Variants in TTC17 observed in about 807,000 individuals in gnomAD.
The protein encoded by TTC17 is tetratricopeptide repeat domain 17.
TTC17 carries 58 observed loss-of-function variants against 143.8 expected under a neutral mutation model. That is an observed-to-expected ratio of 0.40 (90% CI 0.33 to 0.50). The LOEUF (loss-of-function observed/expected upper bound fraction) is 0.50. Ranked by LOEUF, TTC17 falls within the 20% of genes least tolerant of loss-of-function variation. The pLI is 0.49. For synonymous variants in TTC17, 501 were observed against 497.8 expected, an observed-to-expected ratio of 1.01 and a Z score of -0.09; for missense variants, 1,273 against 1,392.5, an observed-to-expected ratio of 0.91 and a Z score of 1.37.
chr11:43,373,203 T>G (rs1856636109), intron 1 of TTC17, among the ~76,000 whole-genome samples: 1 of 152,172 alleles, frequency 6.6e-6, no homozygotes, highest in African/African-American at 2.4e-5. Flanking sequence ...TTTCTTAGTA[T>G]TAAGTAGCTT....
chr11:43,454,985 T>G (rs1470884914), intron 21 of TTC17, among the ~76,000 whole-genome samples: 1 of 151,808 alleles, frequency 6.6e-6, no homozygotes, highest in African/African-American at 2.4e-5. Flanking sequence ...TTTTTGTCAT[T>G]TGAACATAGA....
intron 5 of TTC17, among the ~76,000 whole-genome samples, chr11:43,394,073 A>G (rs1002479741): frequency 3.3e-5 from 5 of 152,210 alleles, no homozygotes; most frequent in Non-Finnish European, 5.9e-5. Flanking sequence ...TTATGACTTC[A>G]TTTAGCCTTT....
intron 16 of TTC17, among the ~76,000 whole-genome samples, chr11:43,416,054 T>C (rs1043905577): frequency 1.3e-5 from 2 of 152,204 alleles, no homozygotes; most frequent in African/African-American, 4.8e-5. Flanking sequence ...TAGTAGATAC[T>C]GGCTAAAAGT....
chr11:43,460,130 C>A (rs568769183), intron 21 of TTC17, among the ~76,000 whole-genome samples: 40 of 151,828 alleles, frequency 2.6e-4, no homozygotes, highest in Non-Finnish European at 1.5e-4. Flanking sequence ...ACTTCAGAAC[C>A]TTTTGCTGAA....
At chr11:43,431,651 G>A (rs1403635249) in intron 16 of TTC17, among the ~76,000 whole-genome samples, 4 of 152,202 alleles carry the variant, frequency 2.6e-5, no homozygotes, top group Admixed American at 6.5e-5. Context: ...CATGTGCTAC[G>A]CAATGGTCTA....
At position 43,443,328 on chromosome 11, in the gene TTC17, C is replaced by T. The variant is rs779271164; in HGVS notation, c.2255C>T (p.Thr752Met). Residue 752 changes from threonine to methionine, a missense_variant, in exon 17 of 24, where the codon ACG (threonine) becomes ATG (methionine). Thr to Met is a moderately conservative substitution (Grantham distance 81). Around this residue, in one of 3 missense-constraint regions of TTC17, gnomAD observed 878 missense variants for 899.8 expected, o/e 0.98. Coordinates refer to ENST00000039989, the MANE Select transcript of TTC17 (RefSeq NM_018259.6). ...CGTGCTGGCCCTTGAATTTCAGGTA[C>T]GGTGGTTGAGGAGAGCAATGGTTCT... Reference protein sequence around the residue: ...YNITSSVCSGTVVEESNGSDE... With the variant: ...YNITSSVCSGMVVEESNGSDE... The T allele has an allele frequency of 2.4e-5, 39 of 1,613,676 alleles. No homozygotes were observed. The East Asian group carries it at 5.3e-4, about 22-fold the overall frequency.
chr11:43,442,425 T>G (rs775005610), intron 16 of TTC17, among the ~76,000 whole-genome samples: 2 of 152,214 alleles, frequency 1.3e-5, no homozygotes, highest in Non-Finnish European at 2.9e-5. Flanking sequence ...GACATTTTGT[T>G]ATTTGTTCTT....
intron 16 of TTC17, among the ~76,000 whole-genome samples, chr11:43,419,610 T>G (rs1008200163): frequency 1.3e-5 from 2 of 152,228 alleles, no homozygotes; most frequent in African/African-American, 4.8e-5. Flanking sequence ...TATCACATCC[T>G]TTTACATTCT....
At chr11:43,453,146 G>C (rs1238983412) in intron 21 of TTC17, among the ~76,000 whole-genome samples, 1 of 147,302 alleles carries the variant, frequency 6.8e-6, no homozygotes, top group Non-Finnish European at 1.5e-5. Flanking sequence ...CACAGAAAGG[G>C]ACATAGAGGA....
intron 2 of TTC17, 38 bp downstream of exon 2, chr11:43,379,360 G>C (rs1338572400): frequency 2.6e-6 from 4 of 1,551,404 alleles, no homozygotes; most frequent in African/African-American, 1.4e-5. Flanking sequence ...GCTGATGCTT[G>C]TTGCATTTCA....
intron 3 of TTC17, 55 bp downstream of exon 3, chr11:43,389,876 C>A: frequency 6.9e-7 from 1 of 1,459,306 alleles, no homozygotes; most frequent in Non-Finnish European, 9.3e-7. Flanking sequence ...TTTCCTTTCT[C>A]AAATTAGTAA....
intron 21 of TTC17, among the ~76,000 whole-genome samples, chr11:43,481,398 T>C (rs1041662372): frequency 6.6e-6 from 1 of 152,176 alleles, no homozygotes; most frequent in Admixed American, 6.5e-5. Context: ...AGGATAATAA[T>C]GACCTTGTTT....
At chr11:43,406,179 C>A (rs1858122763) in intron 13 of TTC17, among the ~76,000 whole-genome samples, 1 of 152,152 alleles carries the variant, frequency 6.6e-6, no homozygotes, top group African/African-American at 2.4e-5. Flanking sequence ...AACACTATTC[C>A]TCTAACGCAG....
intron 21 of TTC17, chr11:43,468,318 G>A (rs1014072386): frequency 2.6e-5 from 4 of 152,144 alleles, no homozygotes; most frequent in African/African-American, 9.7e-5. Flanking sequence ...TAGAACAGTG[G>A]AACAAAAGAG....
At chr11:43,416,335 G>T (rs959549559) in intron 16 of TTC17, among the ~76,000 whole-genome samples, 1 of 152,032 alleles carries the variant, frequency 6.6e-6, no homozygotes, top group African/African-American at 2.4e-5. Flanking sequence ...CCTCAACTCT[G>T]TTGAAATTTA....
At chr11:43,444,872 A>G (rs1196365887) in intron 18 of TTC17, among the ~76,000 whole-genome samples, 1 of 152,154 alleles carries the variant, frequency 6.6e-6, no homozygotes, top group Non-Finnish European at 1.5e-5. Flanking sequence ...TGTGTAACAC[A>G]CATTTTATTT....
At chr11:43,436,808 C>T (rs1440101291) in intron 16 of TTC17, among the ~76,000 whole-genome samples, 1 of 152,160 alleles carries the variant, frequency 6.6e-6, no homozygotes, top group Admixed American at 6.5e-5. Context: ...CCACTTTACT[C>T]TATCTGGAAC....
intron 2 of TTC17, among the ~76,000 whole-genome samples, chr11:43,386,187 C>T (rs1289367124): frequency 2.0e-5 from 3 of 151,522 alleles, no homozygotes; most frequent in African/African-American, 7.3e-5. Flanking sequence ...AAAAAATTTC[C>T]TATGCAGTTT....
At chr11:43,485,130 T>C (rs575021233) in intron 21 of TTC17, among the ~76,000 whole-genome samples, 73 of 152,256 alleles carry the variant, frequency 4.8e-4, no homozygotes, top group South Asian at 1.0e-3. Context: ...TGCACTCGAA[T>C]CATCCCAAAA....
Sources: gnomAD v4.1 joint callset for allele counts (sites outside exome capture counted in the v4.1 genomes callset) on GRCh38, gnomAD v4.1.1 for gene constraint, gnomAD v4.1.1 regional missense constraint, MANE v1.5 for transcripts, NCBI Gene and HGNC (gene_info 2026-07-23, HGNC 2026-07-21) for gene names.